Variants in EXD3 observed in about 807,000 individuals in gnomAD.
EXD3 encodes the protein exonuclease mut-7 homolog.
In EXD3, 92 loss-of-function variants were observed where a neutral mutation model predicts 98.0. The ratio of observed to expected loss-of-function variants is 0.94; its 90% CI spans 0.79 to 1.12. The LOEUF (loss-of-function observed/expected upper bound fraction) is 1.12. EXD3 is among the 50% of genes most tolerant of loss of function. The probability of loss-of-function intolerance (pLI) is 0.00; values close to 1 mark genes in which losing one functional copy is unlikely to be tolerated. For missense variants in EXD3, 1,222 were observed against 1,191.6 expected, an observed-to-expected ratio of 1.03 and a Z score of -0.38; for synonymous variants, 569 against 526.0, an observed-to-expected ratio of 1.08 and a Z score of -1.12.
At position 137,411,615 on chromosome 9, in the gene EXD3, G is replaced by A. The variant is rs937940371; in HGVS notation, c.-48+11499C>T. Among the ~76,000 whole-genome samples the A allele has an allele frequency of 3.4e-4, 51 of 151,544 alleles. 1 individual carries two copies. In the East Asian group the frequency reaches 6.8e-3, roughly 20 times the overall value. ...TCAGAGGTGGCCATGGCAGGCCAGC[G>A]GCGGCCGTCAGTCTCTCCATCGGTG... On this transcript the variant is annotated intron_variant, in intron 1 of 21. Transcript: ENST00000340951.
At chr9:137,406,300 A>G (rs940018697) in intron 1 of EXD3, among the ~76,000 whole-genome samples, 1 of 150,830 alleles carries the variant, frequency 6.6e-6, no homozygotes, top group Non-Finnish European at 1.5e-5. Flanking sequence ...GGAAAAAAAA[A>G]AGAAAAAGAA....
intron 1 of EXD3, among the ~76,000 whole-genome samples, chr9:137,416,527 C>A (rs568692172): frequency 3.3e-5 from 5 of 152,228 alleles, no homozygotes; most frequent in Non-Finnish European, 7.3e-5. Context: ...GCGCCCGGAA[C>A]CTCGCTGGTC....
At chr9:137,410,652 G>A (rs1203838625) in intron 1 of EXD3, among the ~76,000 whole-genome samples, 1 of 152,168 alleles carries the variant, frequency 6.6e-6, no homozygotes, top group Non-Finnish European at 1.5e-5. Flanking sequence ...TCCACACCCA[G>A]GGAGACGACA....
chr9:137,385,333 C>T lies in EXD3; in HGVS notation c.56-1956G>A, dbSNP rs964129827. On this transcript the variant is annotated intron_variant, in intron 2 of 21. Coordinates refer to ENST00000340951, the MANE Select transcript of EXD3 (RefSeq NM_017820.5). The surrounding 1 kb of genome is among the most constrained non-coding windows in gnomAD (Gnocchi z 4.4). Reference sequence around the variant, plus strand: ...CAGGTGGGGAGGACGTACCCCACCACGTGGCCATGGCAGGCAGTGTGACTG... The same window carrying T: ...CAGGTGGGGAGGACGTACCCCACCATGTGGCCATGGCAGGCAGTGTGACTG... Among the ~76,000 whole-genome samples, 8 of 146,070 alleles carry T rather than the reference C, an allele frequency of 5.5e-5. No individual in the cohort carries two copies. Among genetic ancestry groups the T allele is most frequent in the South Asian group, 2.4e-4 (1 of 4,132 alleles).
At chr9:137,344,262 G>A (rs1297432883) in intron 17 of EXD3, among the ~76,000 whole-genome samples, 1 of 152,090 alleles carries the variant, frequency 6.6e-6, no homozygotes, top group African/African-American at 2.4e-5. Flanking sequence ...ACCAATTCCA[G>A]AAGTCCCAGA....
intron 2 of EXD3, among the ~76,000 whole-genome samples, chr9:137,391,208 G>A (rs901491463): frequency 2.6e-5 from 4 of 152,250 alleles, no homozygotes; most frequent in African/African-American, 9.6e-5. Context: ...GAACCCGCAC[G>A]TTCACGGTGC....
At chr9:137,388,911 A>C (rs892867194) in intron 2 of EXD3, among the ~76,000 whole-genome samples, 1 of 152,118 alleles carries the variant, frequency 6.6e-6, no homozygotes, top group Non-Finnish European at 1.5e-5. Context: ...TCAGCACAGC[A>C]CCCCGCCTGG....
rs1834105235 is a variant in EXD3 at position 137,349,052 on chromosome 9, G to A, written c.1830+58C>T. 6.6e-7 allele frequency: 1 copy of A among 1,521,216 alleles called. No individual in the cohort carries two copies. The highest frequency in any genetic ancestry group is 8.8e-7 in the Non-Finnish European group (1 of 1,139,088). The allele number at this position is 1,521,216 out of a possible 1,614,324, so 94.2% of individuals were successfully genotyped here. On this transcript the variant is annotated intron_variant, in intron 16 of 21. Coordinates refer to ENST00000340951, the MANE Select transcript of EXD3 (RefSeq NM_017820.5). The surrounding 1 kb of genome is among the most constrained non-coding windows in gnomAD (Gnocchi z 7.4). The stretch of plus-strand genomic sequence containing the variant: ...TCTCCATGCAGGTCCTTGGTTTATG[G>A]ACAGGGATCTCCTTCCCCAAGAATG...
At position 137,324,351 on chromosome 9, in the gene EXD3, GGCACCAC is replaced by G. The variant is rs1160358571; in HGVS notation, c.1999-215_1999-209del. Among the ~76,000 whole-genome samples the G allele has an allele frequency of 4.6e-5, 7 of 152,132 alleles. No homozygotes were observed. Among genetic ancestry groups the G allele is most frequent in the Non-Finnish European group, 1.0e-4 (7 of 68,034 alleles). ...CGCCTCATTGTATAGATTTAATCTTGGCACCACGCAAACATTTTTTTTTCATAATTAG... is the reference window on the plus strand; with the variant it reads ...CGCCTCATTGTATAGATTTAATCTTGGCAAACATTTTTTTTTCATAATTAG... On this transcript the variant is annotated intron_variant, in intron 17 of 21. Coordinates refer to ENST00000340951, the MANE Select transcript of EXD3 (RefSeq NM_017820.5). This position sits in a 1 kb window ranked among gnomAD's most constrained non-coding sequence, Gnocchi z 4.1.
chr9:137,324,345 A>C lies in EXD3; in HGVS notation c.1999-202T>G, dbSNP rs1462896866. Among the ~76,000 whole-genome samples, 1 of 152,108 alleles carries C rather than the reference A, an allele frequency of 6.6e-6. No individual in the cohort carries two copies. The highest frequency in any genetic ancestry group is 2.4e-5 in the African/African-American group (1 of 41,408). On this transcript the variant is annotated intron_variant, in intron 17 of 21. Coordinates refer to ENST00000340951, the MANE Select transcript of EXD3 (RefSeq NM_017820.5). This position sits in a 1 kb window ranked among gnomAD's most constrained non-coding sequence, Gnocchi z 4.1. Reference sequence around the variant, plus strand: ...GGGTGTCGCCTCATTGTATAGATTTAATCTTGGCACCACGCAAACATTTTT... The same window carrying C: ...GGGTGTCGCCTCATTGTATAGATTTCATCTTGGCACCACGCAAACATTTTT...
chr9:137,417,571 A>C (rs1194084885), intron 1 of EXD3, among the ~76,000 whole-genome samples: 1 of 152,142 alleles, frequency 6.6e-6, no homozygotes, highest in Non-Finnish European at 1.5e-5. Flanking sequence ...GACCACGGGG[A>C]CCAGCAACGC....
chr9:137,355,458 GGAGAAAGGAGGAAGGAGGAAGGAGGAA>G, intron 8 of EXD3, among the ~76,000 whole-genome samples: 2 of 125,450 alleles, frequency 1.6e-5, no homozygotes, highest in African/African-American at 7.0e-5. Context: ...GATGGAGGAA[GGAGAAAGGAGGAAGGAGGAAGGAGGAA>G]GGAGGATGGA....
Position 137,367,995 on chromosome 9 carries a change from A to T in EXD3, c.463-6T>A. Reference sequence around the variant, plus strand: ...GTCGCGCCCAGCGTGGCTGCCTGGCAAACACAAAGGCGGCAGATTACTCAG... The same window carrying T: ...GTCGCGCCCAGCGTGGCTGCCTGGCTAACACAAAGGCGGCAGATTACTCAG... On this transcript the variant is annotated splice_polypyrimidine_tract_variant and splice_region_variant and intron_variant, in intron 5 of 21. Transcript: ENST00000340951. 8 of 1,607,856 alleles carry T rather than the reference A, an allele frequency of 5.0e-6. No homozygotes were observed. The highest frequency in any genetic ancestry group is 6.8e-6 in the Non-Finnish European group (8 of 1,179,414).
intron 7 of EXD3, 127 bp downstream of exon 7, chr9:137,366,366 G>C (rs1277035128): frequency 2.2e-6 from 3 of 1,360,928 alleles, no homozygotes; most frequent in Non-Finnish European, 3.0e-6. Flanking sequence ...TGGCAGCTGT[G>C]ACCCAAACAC....
At chr9:137,387,027 C>T (rs959181798) in intron 2 of EXD3, among the ~76,000 whole-genome samples, 1 of 149,680 alleles carries the variant, frequency 6.7e-6, no homozygotes, top group Admixed American at 6.6e-5. Flanking sequence ...CTCAGCACCC[C>T]TGCTCCCTGC....
Position 137,349,295 on chromosome 9 carries a change from T to TC in EXD3, c.1658-14dup. The stretch of plus-strand genomic sequence containing the variant: ...TAGGCGTCGGCAGCTGTGTGGGGAG[T>TC]CGGCCTCAGCCTCCCGGGACAGAGG... On this transcript the variant is annotated splice_polypyrimidine_tract_variant and intron_variant, in intron 15 of 21. Coordinates refer to ENST00000340951, the MANE Select transcript of EXD3 (RefSeq NM_017820.5). The surrounding 1 kb of genome is among the most constrained non-coding windows in gnomAD (Gnocchi z 7.4). The TC allele has an allele frequency of 6.4e-7, 1 of 1,556,864 alleles. No homozygotes were observed. Among genetic ancestry groups the TC allele is most frequent in the Non-Finnish European group, 8.6e-7 (1 of 1,157,162 alleles).
chr9:137,352,028 C>T (rs759023890), intron 12 of EXD3, 38 bp downstream of exon 12: 259 of 1,576,620 alleles, frequency 1.6e-4, no homozygotes, highest in Non-Finnish European at 2.2e-4. Flanking sequence ...CAGGGGGATC[C>T]CACCACCGGG....
Position 137,323,615 on chromosome 9 carries a change from C to T in EXD3, c.2184+110G>A, listed in dbSNP as rs1588246454. 1.6e-5 allele frequency: 23 copies of T among 1,443,292 alleles called. No homozygotes were observed. In the East Asian group the frequency reaches 5.0e-4, roughly 32 times the overall value. The allele number at this position is 1,443,292 out of a possible 1,614,324, so 89.4% of individuals were successfully genotyped here. On this transcript the variant is annotated intron_variant, in intron 19 of 21. Transcript: ENST00000340951. ...TGGACCACGAGGGATGCTCTGCCGA[C>T]ACCCCACCCCAGACCCACCACTGTC...
intron 17 of EXD3, among the ~76,000 whole-genome samples, chr9:137,344,551 C>T (rs763843493): frequency 1.3e-4 from 20 of 152,182 alleles, no homozygotes; most frequent in Non-Finnish European, 2.8e-4. Flanking sequence ...CTCGGGTTTG[C>T]TTTCGAAGAC....
Sources: allele counts gnomAD v4.1 joint callset (sites outside exome capture counted in the v4.1 genomes callset), GRCh38; gene constraint gnomAD v4.1.1; non-coding constraint Gnocchi (gnomAD v3.1); transcripts MANE v1.5; gene names NCBI Gene and HGNC (gene_info 2026-07-23, HGNC 2026-07-21).